YTHDC2: variants seen among roughly 807,000 people sequenced by gnomAD.
YTHDC2 encodes the protein 3'-5' RNA helicase YTHDC2.
A neutral mutation model predicts 174.9 loss-of-function variants in YTHDC2; 45 were observed. The observed-to-expected ratio is 0.26, with a 90% CI of 0.20 to 0.33. YTHDC2 has a LOEUF of 0.33. Among genes scored for constraint, YTHDC2 ranks in the 10% least tolerant of loss-of-function variants. The pLI is 1.00. For missense variants in YTHDC2, 1,650 were observed against 1,723.7 expected (o/e 0.96, Z 0.76); for synonymous variants, 657 against 574.5 (o/e 1.14, Z -2.05).
chr5:113,578,977 A>G (rs1266501267), intron 23 of YTHDC2, among the ~76,000 whole-genome samples: 3 of 152,024 alleles, frequency 2.0e-5, no homozygotes, highest in Non-Finnish European at 2.9e-5. Flanking sequence ...CTGTATTTTT[A>G]TAATCTCATT....
chr5:113,525,022 G>C lies in YTHDC2; in HGVS notation c.320G>C (p.Gly107Ala). ...NRYLTVKKKD[G>A]SETAHAMMTC... ...TACCTAACTGTGAAGAAGAAAGATGGATCAGAAACAGCTCATGCAATGATG... is the reference window on the plus strand; with the variant it reads ...TACCTAACTGTGAAGAAGAAAGATGCATCAGAAACAGCTCATGCAATGATG... The change falls in exon 3 of 30, where the codon GGA becomes GCA. Residue 107 changes from glycine to alanine, a missense_variant. Coordinates refer to ENST00000161863, the MANE Select transcript of YTHDC2 (RefSeq NM_022828.5). 1 of 1,608,838 alleles carries C rather than the reference G, an allele frequency of 6.2e-7. No individual in the cohort carries two copies. The highest frequency in any genetic ancestry group is 1.1e-5 in the South Asian group (1 of 89,538).
intron 1 of YTHDC2, 44 bp from the exon 2 acceptor site, chr5:113,515,228 T>G (rs1370127902): frequency 1.2e-5 from 17 of 1,468,130 alleles, no homozygotes; most frequent in Non-Finnish European, 1.5e-5. Flanking sequence ...TGAGAGAAAA[T>G]TGCCTATCTA....
intron 7 of YTHDC2, 77 bp downstream of exon 7, chr5:113,535,875 T>G (rs982571802): frequency 7.9e-7 from 1 of 1,269,338 alleles, no homozygotes; most frequent in African/African-American, 1.5e-5. Context: ...TAACAGAAAC[T>G]GGGGAATGTT....
rs533248385 is a variant in YTHDC2, at chr5:113,554,850, G to A, written c.2133+828G>A. ...TCGCTGAAAAAATGAAAGTGGTAAA[G>A]ATAATTGATTTTTCAAGGGAAGACA... On this transcript the variant is annotated intron_variant, in intron 16 of 29. Transcript: ENST00000161863. Among the ~76,000 whole-genome samples, 9 of 152,012 alleles carry A rather than the reference G, an allele frequency of 5.9e-5. No homozygotes were observed. The South Asian group carries it at 1.9e-3, about 32-fold the overall frequency.
chr5:113,546,298 G>A (rs1775883246), intron 10 of YTHDC2, among the ~76,000 whole-genome samples: 1 of 152,132 alleles, frequency 6.6e-6, no homozygotes, highest in African/African-American at 2.4e-5. Flanking sequence ...CTGTTAATTT[G>A]ATTATGGTCA....
intron 18 of YTHDC2, among the ~76,000 whole-genome samples, chr5:113,561,459 A>G (rs1049222613): frequency 1.1e-4 from 16 of 140,878 alleles, no homozygotes; most frequent in African/African-American, 2.9e-4. Flanking sequence ...CTATCTATCT[A>G]TCTATCTATC....
intron 19 of YTHDC2, 114 bp from the exon 20 acceptor site, chr5:113,563,745 A>G (rs960575158): frequency 1.2e-4 from 152 of 1,221,408 alleles, no homozygotes; most frequent in Non-Finnish European, 1.7e-4. Flanking sequence ...TTTTTATGAG[A>G]TGTAGTAGCA....
At chr5:113,557,078 G>T (rs1199623245) in intron 17 of YTHDC2, among the ~76,000 whole-genome samples, 1 of 152,114 alleles carries the variant, frequency 6.6e-6, no homozygotes, top group East Asian at 1.9e-4. Flanking sequence ...GTGTGTTTGT[G>T]TATGTATTTT....
At chr5:113,530,329 T>G (rs1411726418) in intron 4 of YTHDC2, among the ~76,000 whole-genome samples, 1 of 151,988 alleles carries the variant, frequency 6.6e-6, no homozygotes, top group African/African-American at 2.4e-5. Context: ...ATTTCTAAAA[T>G]TTTTCTTATG....
intron 4 of YTHDC2, among the ~76,000 whole-genome samples, chr5:113,527,111 T>A (rs1019768800): frequency 1.3e-5 from 2 of 152,132 alleles, no homozygotes; most frequent in Admixed American, 1.3e-4. Flanking sequence ...TAGATTCCAG[T>A]TCCCTCAGTT....
At chr5:113,530,543 A>G (rs2112570902) in intron 4 of YTHDC2, among the ~76,000 whole-genome samples, 1 of 152,306 alleles carries the variant, frequency 6.6e-6, no homozygotes, top group African/African-American at 2.4e-5. Flanking sequence ...AAATAACAAA[A>G]TAACCCTAAT....
chr5:113,579,949 A>G (rs962595242), intron 24 of YTHDC2: 3 of 981,470 alleles, frequency 3.1e-6, no homozygotes, highest in Non-Finnish European at 3.6e-6. Context: ...CTGCTATAGT[A>G]ATTTATAAAG....
chr5:113,579,799 C>G, intron 24 of YTHDC2, 104 bp downstream of exon 24: 1 of 1,329,840 alleles, frequency 7.5e-7, no homozygotes, highest in Non-Finnish European at 9.7e-7. Context: ...CCCTTAGTAT[C>G]AGAGAATATA....
intron 26 of YTHDC2, among the ~76,000 whole-genome samples, chr5:113,589,408 A>ATATATATATATATATATATAT (rs1554103528): frequency 1.1e-4 from 14 of 123,232 alleles, no homozygotes; most frequent in African/African-American, 2.4e-4. Context: ...AAAAAAAAAA[A>ATATATATATATATATATATAT]ATATATATAT....
chr5:113,561,459 A>ATCTG (rs1469129362), intron 18 of YTHDC2, among the ~76,000 whole-genome samples: 1 of 140,878 alleles, frequency 7.1e-6, no homozygotes, highest in African/African-American at 2.9e-5. Flanking sequence ...CTATCTATCT[A>ATCTG]TCTATCTATC....
chr5:113,580,927 T>G (rs1778364544), intron 24 of YTHDC2, among the ~76,000 whole-genome samples: 1 of 152,192 alleles, frequency 6.6e-6, no homozygotes, highest in African/African-American at 2.4e-5. Context: ...TAGCACTTTG[T>G]GTCTTACTCT....
chr5:113,536,734 C>T (rs1775105139), intron 7 of YTHDC2, among the ~76,000 whole-genome samples: 1 of 151,912 alleles, frequency 6.6e-6, no homozygotes, highest in African/African-American at 2.4e-5. Context: ...ATAACATTTA[C>T]AAAAATTGGC....
intron 1 of YTHDC2, among the ~76,000 whole-genome samples, chr5:113,514,922 A>G (rs571109560): frequency 3.3e-5 from 5 of 152,244 alleles, no homozygotes; most frequent in Admixed American, 3.3e-4. Context: ...CTAAACAAGT[A>G]GGGACCAAGT....
rs1773172262 is a variant in YTHDC2 at position 113,513,716 on chromosome 5, C to T, written c.-180C>T. 4 of 670,626 alleles carry T rather than the reference C, an allele frequency of 6.0e-6. No homozygotes were observed. Among genetic ancestry groups the T allele is most frequent in the Admixed American group, 7.7e-5 (2 of 25,976 alleles). 41.5% of individuals were successfully genotyped at this position (670,626 alleles called of 1,614,324 possible). On this transcript the variant is annotated 5_prime_UTR_variant, in exon 1 of 30. Transcript: ENST00000161863. ...CGCGCTCCTCGCCTGGCCGTGATAT[C>T]AATGGCGCAGGCTTCACTTCTGCTG...
Sources: allele counts gnomAD v4.1 joint callset (sites outside exome capture counted in the v4.1 genomes callset), GRCh38; gene constraint gnomAD v4.1.1; transcripts MANE v1.5; gene names NCBI Gene and HGNC (gene_info 2026-07-23, HGNC 2026-07-21).